TENM2: variants seen among roughly 807,000 people sequenced by gnomAD.
TENM2 encodes teneurin-2.
TENM2 carries 52 observed loss-of-function variants against 245.2 expected under a neutral mutation model. The observed-to-expected ratio is 0.21, with a 90% CI of 0.17 to 0.27. The LOEUF is 0.27. Among genes scored for constraint, TENM2 ranks in the 10% least tolerant of loss-of-function variants. The probability of loss-of-function intolerance (pLI) is 1.00; values close to 1 mark genes in which losing one functional copy is unlikely to be tolerated. For missense variants in TENM2, 3,046 were observed against 3,666.8 expected (o/e 0.83, Z 4.37); for synonymous variants, 1,363 against 1,438.9 (o/e 0.95, Z 1.19).
rs1247408745 is a variant in TENM2, at chr5:167,557,843, A to G, written c.502+182370A>G. 3.9e-5 allele frequency among the ~76,000 whole-genome samples: 6 copies of G among 152,206 alleles called. No homozygotes were observed. The East Asian group carries it at 7.7e-4, about 20-fold the overall frequency. On this transcript the variant is annotated intron_variant, in intron 2 of 28. Coordinates refer to ENST00000518659, the Ensembl canonical transcript of TENM2. The stretch of plus-strand genomic sequence containing the variant: ...GAGAATTATCTGGCCCAACATGTCA[A>G]TAGTGCTGAGGTTGAAAAAAATCTT...
chr5:167,675,224 A>G (rs914758437), intron 2 of TENM2, among the ~76,000 whole-genome samples: 6 of 152,092 alleles, frequency 3.9e-5, no homozygotes, highest in African/African-American at 1.2e-4. Context: ...GGAAGACAAA[A>G]TGTCTTGTTT....
chr5:167,982,211 A>T (rs1188729385), intron 4 of TENM2, among the ~76,000 whole-genome samples: 1 of 151,900 alleles, frequency 6.6e-6, no homozygotes, highest in Non-Finnish European at 1.5e-5. Flanking sequence ...TTATCCTCAG[A>T]CTTCTCCTCA....
intron 2 of TENM2, among the ~76,000 whole-genome samples, chr5:167,550,514 C>T (rs1438919248): frequency 1.3e-5 from 2 of 152,124 alleles, no homozygotes; most frequent in Non-Finnish European, 2.9e-5. Context: ...ATTATGCAGA[C>T]ATCTTCGCAC....
At chr5:167,430,208 T>A (rs1329258024) in intron 2 of TENM2, among the ~76,000 whole-genome samples, 1 of 152,260 alleles carries the variant, frequency 6.6e-6, no homozygotes, top group Middle Eastern at 3.4e-3. Context: ...AATAATTATG[T>A]ATGTAAAAAT....
intron 2 of TENM2, among the ~76,000 whole-genome samples, chr5:167,746,558 T>C (rs1267797072): frequency 1.3e-5 from 2 of 152,074 alleles, no homozygotes; most frequent in Non-Finnish European, 2.9e-5. Context: ...ACTGCACATA[T>C]AATGAGAGCT....
chr5:167,510,784 C>T (rs913160105), intron 2 of TENM2, among the ~76,000 whole-genome samples: 2 of 152,100 alleles, frequency 1.3e-5, no homozygotes, highest in African/African-American at 4.8e-5. Context: ...ATTATATCTA[C>T]GTCACTTAAA....
At chr5:168,135,439 G>T (rs895458878) in intron 12 of TENM2, among the ~76,000 whole-genome samples, 5 of 152,074 alleles carry the variant, frequency 3.3e-5, no homozygotes, top group African/African-American at 4.8e-5. Context: ...TTGGAAAATA[G>T]AATGCCATCA....
intron 2 of TENM2, among the ~76,000 whole-genome samples, chr5:167,475,743 G>T (rs558156986): frequency 3.5e-4 from 54 of 152,116 alleles, no homozygotes; most frequent in African/African-American, 1.0e-3. Flanking sequence ...GTGAGAACAT[G>T]CAGTGTTTGG....
the TENM2 span, among the ~76,000 whole-genome samples, chr5:166,981,480 G>C: frequency 2.6e-5 from 4 of 152,098 alleles, no homozygotes; most frequent in African/African-American, 9.7e-5. Flanking sequence ...TACCTAAAGC[G>C]TCAGGTTCCC....
the TENM2 span, among the ~76,000 whole-genome samples, chr5:167,136,419 C>A: frequency 1.3e-5 from 2 of 152,160 alleles, no homozygotes; most frequent in African/African-American, 2.4e-5. Context: ...GGTTTATCAG[C>A]ACTGGTTGTG....
intron 2 of TENM2, among the ~76,000 whole-genome samples, chr5:167,455,667 C>T (rs1471789846): frequency 6.6e-6 from 1 of 152,070 alleles, no homozygotes; most frequent in East Asian, 1.9e-4. Flanking sequence ...CATTCAAGTT[C>T]ATTTGGCTCT....
chr5:167,623,348 T>A (rs1299060904), intron 2 of TENM2, among the ~76,000 whole-genome samples: 1 of 152,216 alleles, frequency 6.6e-6, no homozygotes, highest in Non-Finnish European at 1.5e-5. Context: ...TCCCAATTTG[T>A]TGTGTTTCTC....
At chr5:167,032,008 C>T in the TENM2 span, among the ~76,000 whole-genome samples, 2 of 152,060 alleles carry the variant, frequency 1.3e-5, no homozygotes, top group Non-Finnish European at 2.9e-5. Flanking sequence ...GGTAGACAGC[C>T]ATGACTGCTG....
At chr5:167,776,161 CCA>C (rs66740766) in intron 2 of TENM2, among the ~76,000 whole-genome samples, 42 of 133,132 alleles carry the variant, frequency 3.2e-4, no homozygotes, top group African/African-American at 9.9e-4. Flanking sequence ...AAAAAAAAAT[CCA>C]CACACACACA....
intron 8 of TENM2, among the ~76,000 whole-genome samples, 173 bp downstream of exon 10, chr5:168,090,942 G>C (rs1238370351): frequency 6.6e-6 from 1 of 152,134 alleles, no homozygotes; most frequent in Non-Finnish European, 1.5e-5. Context: ...TGATTAAATG[G>C]AAATGCTGCT....
intron 2 of TENM2, among the ~76,000 whole-genome samples, chr5:167,415,689 T>C (rs1010604464): frequency 6.6e-6 from 1 of 152,078 alleles, no homozygotes; most frequent in Non-Finnish European, 1.5e-5. Context: ...AAGTACTGAT[T>C]TTGAAAAAAT....
intron 4 of TENM2, among the ~76,000 whole-genome samples, chr5:167,959,108 C>T (rs1780786757): frequency 6.6e-6 from 1 of 151,956 alleles, no homozygotes; most frequent in Non-Finnish European, 1.5e-5. Flanking sequence ...CCATCACTTT[C>T]AGGTACACCA....
chr5:167,297,577 A>G (rs1414921735), intron 1 of TENM2: 1 of 152,264 alleles, frequency 6.6e-6, no homozygotes, highest in Non-Finnish European at 1.5e-5. Flanking sequence ...ATCAAGTTAC[A>G]TTTATGTTGA....
intron 2 of TENM2, among the ~76,000 whole-genome samples, chr5:167,444,770 G>T (rs1765066001): frequency 6.6e-6 from 1 of 152,092 alleles, no homozygotes; most frequent in African/African-American, 2.4e-5. Context: ...CTGGGTAAAA[G>T]CTCAGTAAAC....
Sources: allele counts gnomAD v4.1 joint callset (sites outside exome capture counted in the v4.1 genomes callset), GRCh38; gene constraint gnomAD v4.1.1; transcripts MANE v1.5; gene names NCBI Gene and HGNC (gene_info 2026-07-23, HGNC 2026-07-21).